EPB41L5: variants seen among roughly 807,000 people sequenced by gnomAD.
The protein encoded by EPB41L5 is band 4.1-like protein 5.
Under a neutral mutation model 106.6 loss-of-function variants are expected in EPB41L5, and 55 were observed. That is an observed-to-expected ratio of 0.52 (90% confidence interval 0.42 to 0.65). The LOEUF (loss-of-function observed/expected upper bound fraction) is 0.65, where lower values mean the gene tolerates loss of function less well. Ranked by LOEUF, EPB41L5 falls within the 30% of genes least tolerant of loss-of-function variation. EPB41L5 has a pLI of 0.00. For missense variants in EPB41L5, 871 were observed against 882.1 expected (o/e 0.99, Z 0.16); for synonymous variants, 297 against 306.7 (o/e 0.97, Z 0.33).
chr2:120,116,697 T>G (rs543996595), intron 16 of EPB41L5, among the ~76,000 whole-genome samples: 1 of 152,120 alleles, frequency 6.6e-6, no homozygotes, highest in Non-Finnish European at 1.5e-5. Context: ...TTTTTTATTT[T>G]TTTTTATTTT....
At chr2:120,115,623 C>G (rs987851512) in intron 16 of EPB41L5, among the ~76,000 whole-genome samples, 8 of 151,998 alleles carry the variant, frequency 5.3e-5, no homozygotes, top group South Asian at 2.1e-4. Flanking sequence ...AACTCCTGAC[C>G]TTGTGATCCG....
intron 17 of EPB41L5, among the ~76,000 whole-genome samples, chr2:120,129,841 C>CT (rs1574725128): frequency 1.3e-5 from 2 of 152,074 alleles, no homozygotes; most frequent in African/African-American, 4.8e-5. Flanking sequence ...ACTGTTTATG[C>CT]TGTATAATAG....
intron 5 of EPB41L5, 64 bp from the exon 6 acceptor site, chr2:120,075,412 G>A (rs1682160212): frequency 8.3e-7 from 1 of 1,209,672 alleles, no homozygotes. Context: ...AGTTAGAAGT[G>A]TAAGATTTTT....
intron 11 of EPB41L5, among the ~76,000 whole-genome samples, chr2:120,089,577 C>T (rs1210137257): frequency 6.6e-6 from 1 of 151,644 alleles, no homozygotes; most frequent in Non-Finnish European, 1.5e-5. Context: ...TTCATTTATC[C>T]CTCTGCATAA....
At chr2:120,100,431 T>G in intron 15 of EPB41L5, 145 bp downstream of exon 15, 1 of 795,288 alleles carries the variant, frequency 1.3e-6, no homozygotes. Flanking sequence ...AGTGGTTCAG[T>G]AATAACTTCC....
chr2:120,093,921 G>A (rs1191460699), intron 14 of EPB41L5, among the ~76,000 whole-genome samples: 1 of 152,082 alleles, frequency 6.6e-6, no homozygotes, highest in Non-Finnish European at 1.5e-5. Context: ...CTCTTTATGT[G>A]AATCTTAAAA....
chr2:120,067,368 T>C (rs560094839), intron 3 of EPB41L5, among the ~76,000 whole-genome samples: 1 of 152,336 alleles, frequency 6.6e-6, no homozygotes, highest in Non-Finnish European at 1.5e-5. Context: ...TATCTGCGTT[T>C]CTGAAATTGG....
intron 17 of EPB41L5, 44 bp from the exon 18 acceptor site, chr2:120,131,574 G>A (rs1018173591): frequency 2.8e-6 from 4 of 1,415,244 alleles, no homozygotes; most frequent in Non-Finnish European, 4.0e-6. Context: ...AGCTGTGACA[G>A]CCTGGCAGAC....
rs533339594 is a variant in EPB41L5 at position 120,070,464 on chromosome 2, C to T, written c.286-2714C>T. Among the ~76,000 whole-genome samples, 12 of 152,318 alleles carry T rather than the reference C, an allele frequency of 7.9e-5. No individual in the cohort carries two copies. In the East Asian group the frequency reaches 1.3e-3, roughly 17 times the overall value. On this transcript the variant is annotated intron_variant, in intron 3 of 24. Transcript: ENST00000263713. Reference sequence around the variant, plus strand: ...ACAAACAATAGGAAAAGAGGGACGCCTCCCTAACTCATTTTATGAGGCCAG... The same window carrying T: ...ACAAACAATAGGAAAAGAGGGACGCTTCCCTAACTCATTTTATGAGGCCAG...
intron 18 of EPB41L5, among the ~76,000 whole-genome samples, chr2:120,141,987 G>T (rs1294557181): frequency 1.3e-5 from 2 of 151,906 alleles, no homozygotes; most frequent in Non-Finnish European, 2.9e-5. Context: ...ACCTCTTGAA[G>T]TATTTTGGTG....
intron 21 of EPB41L5, among the ~76,000 whole-genome samples, chr2:120,161,576 A>T (rs1687142683): frequency 6.6e-6 from 1 of 152,134 alleles, no homozygotes; most frequent in South Asian, 2.1e-4. Flanking sequence ...GCAAATAGGG[A>T]CTAAGTGCTT....
At position 120,160,900 on chromosome 2, in the gene EPB41L5, A is replaced by T; in HGVS notation, c.1813A>T (p.Asn605Tyr). The T allele has an allele frequency of 6.2e-7, 1 of 1,613,284 alleles. No individual in the cohort carries two copies. The highest frequency in any genetic ancestry group is 8.5e-7 in the Non-Finnish European group (1 of 1,179,214). Residue 605 changes from asparagine (N) to tyrosine (Y), a missense_variant, in exon 21 of 25, where the codon AAT becomes TAT. Asn to Tyr is a moderately radical substitution (Grantham distance 143). Coordinates refer to ENST00000263713, the MANE Select transcript of EPB41L5 (RefSeq NM_020909.4). Reference protein sequence around the residue: ...ATNSAVLNENNVPLPKESLET... With the variant: ...ATNSAVLNENYVPLPKESLET... ...TCCTAGTGCTGTGTTAAATGAGAAT[A>T]ATGTGCCCCTCCCCAAAGAGTCTCT...
At chr2:120,130,306 CT>C (rs1421742933) in intron 17 of EPB41L5, among the ~76,000 whole-genome samples, 1 of 152,134 alleles carries the variant, frequency 6.6e-6, no homozygotes, top group Non-Finnish European at 1.5e-5. Flanking sequence ...ATAACATTTG[CT>C]CAAAATCAAT....
At position 120,131,606 on chromosome 2, in the gene EPB41L5, T is replaced by C. The variant is rs781288171; in HGVS notation, c.1502-12T>C. On this transcript the variant is annotated splice_polypyrimidine_tract_variant and intron_variant, in intron 17 of 24. Transcript: ENST00000263713. ...AGACTGGGGTTATTTTGCCTTTTTT[T>C]TTTCTTTTCAGCATTAAAAGACACC... 6.2e-7 allele frequency: 1 copy of C among 1,604,660 alleles called. No individual in the cohort carries two copies. Among genetic ancestry groups the C allele is most frequent in the East Asian group, 2.2e-5 (1 of 44,794 alleles).
At chr2:120,127,507 G>A (rs988510566) in intron 16 of EPB41L5, among the ~76,000 whole-genome samples, 181 bp from the exon 17 acceptor site, 1 of 152,086 alleles carries the variant, frequency 6.6e-6, no homozygotes, top group Non-Finnish European at 1.5e-5. Context: ...TAAATGCTAT[G>A]TAAATAGTTG....
chr2:120,093,607 T>C (rs1376615034), intron 14 of EPB41L5, among the ~76,000 whole-genome samples: 1 of 152,208 alleles, frequency 6.6e-6, no homozygotes, highest in Non-Finnish European at 1.5e-5. Context: ...GATTTGCAAA[T>C]AGGCAATTTT....
In EPB41L5 at chr2:120,093,292, C is replaced by A. The variant is rs1384264078; in HGVS notation, c.1178+16C>A. 4 of 1,609,554 alleles carry A rather than the reference C, an allele frequency of 2.5e-6. No individual in the cohort carries two copies. Among genetic ancestry groups the A allele is most frequent in the Non-Finnish European group, 3.4e-6 (4 of 1,176,164 alleles). On this transcript the variant is annotated intron_variant, in intron 14 of 24. Transcript: ENST00000263713. ...AAGAACTTAGGTAAGTAATGTTTTG[C>A]AACTTAGGAATTGGTATAGAATTTG... is the stretch of plus-strand genomic sequence containing the variant.
chr2:120,085,710 T>C (rs1683010244), intron 10 of EPB41L5, among the ~76,000 whole-genome samples: 1 of 152,190 alleles, frequency 6.6e-6, no homozygotes, highest in Non-Finnish European at 1.5e-5. Context: ...ACCTTTACGG[T>C]TGTCCCTTGA....
intron 2 of EPB41L5, among the ~76,000 whole-genome samples, chr2:120,022,890 G>T (rs1039886120): frequency 6.6e-6 from 1 of 152,176 alleles, no homozygotes; most frequent in African/African-American, 2.4e-5. Flanking sequence ...GCATGAGATG[G>T]TATCTCATTG....
Sources: gnomAD v4.1 joint callset for allele counts (sites outside exome capture counted in the v4.1 genomes callset) on GRCh38, gnomAD v4.1.1 for gene constraint, MANE v1.5 for transcripts, NCBI Gene and HGNC (gene_info 2026-07-23, HGNC 2026-07-21) for gene names.